Variants in TAF4 observed in about 807,000 individuals in gnomAD.
TAF4 encodes transcription initiation factor TFIID subunit 4.
In TAF4, 9 loss-of-function variants were observed where a neutral mutation model predicts 90.3. The ratio of observed to expected loss-of-function variants is 0.10; its 90% CI spans 0.06 to 0.17. The LOEUF (loss-of-function observed/expected upper bound fraction) is 0.17. Ranked by LOEUF, TAF4 falls within the 10% of genes least tolerant of loss-of-function variation. The pLI is 1.00. For synonymous variants in TAF4, 818 were observed against 638.9 expected (o/e 1.28, Z -4.23); for missense variants, 1,351 against 1,370.7 (o/e 0.99, Z 0.23).
rs150074484 is a variant in TAF4 at position 62,038,475 on chromosome 20, G to A, written c.1361-23768C>T. ...TGAGCCACCGAGCCACTGACCCACC[G>A]CGCCCGGCCAAAAGCAATTGTTTTT... is the stretch of plus-strand genomic sequence containing the variant. On this transcript the variant is annotated intron_variant, in intron 1 of 14. Transcript: ENST00000252996. Among the ~76,000 whole-genome samples, 21 of 151,914 alleles carry A rather than the reference G, an allele frequency of 1.4e-4. No homozygotes were observed. In the East Asian group the frequency reaches 4.1e-3, roughly 29 times the overall value.
Position 62,064,456 on chromosome 20 carries a change from G to C in TAF4, c.1355C>G (p.Pro452Arg). The change falls in exon 1 of 15, where the codon CCC (proline) becomes CGC (arginine). Residue 452 changes from proline (P) to arginine (R), a missense_variant. By Grantham distance (103) the Pro-to-Arg change is moderately radical. Transcript: ENST00000252996. ...NPTNIQNFQLPPGMVLVRSEN... is the reference protein window; with the variant it reads ...NPTNIQNFQLRPGMVLVRSEN... Reference sequence around the variant, plus strand: ...CGCCCCGTGCGGCCACTCACCTGGGGGCAGCTGGAAGTTCTGGATGTTGGT... The same window carrying C: ...CGCCCCGTGCGGCCACTCACCTGGGCGCAGCTGGAAGTTCTGGATGTTGGT... 2 of 1,442,164 alleles carry C rather than the reference G, an allele frequency of 1.4e-6. No individual in the cohort carries two copies. The highest frequency in any genetic ancestry group is 1.8e-6 in the Non-Finnish European group (2 of 1,091,570). 89.3% of individuals were successfully genotyped at this position (1,442,164 alleles called of 1,614,324 possible).
chr20:62,006,582 G>C lies in TAF4; in HGVS notation c.2151C>G (p.Leu717=), dbSNP rs1418500397. ...GKTAATVTSA[L]QPPVLSLTQP... Reference sequence around the variant, plus strand: ...GCGTGAGGCTGAGCACAGGGGGCTGGAGGGCACTGGTCACGGTGGCCGCCG... The same window carrying C: ...GCGTGAGGCTGAGCACAGGGGGCTGCAGGGCACTGGTCACGGTGGCCGCCG... The change falls in exon 7 of 15, where the codon CTC becomes CTG. Residue 717 remains leucine (L), a synonymous_variant. Coordinates refer to ENST00000252996, the MANE Select transcript of TAF4 (RefSeq NM_003185.4). This position sits in a 1 kb window ranked among gnomAD's most constrained non-coding sequence, Gnocchi z 7.0. 3.1e-6 allele frequency: 5 copies of C among 1,597,582 alleles called. No homozygotes were observed. The Admixed American group carries it at 6.8e-5, about 22-fold the overall frequency.
chr20:62,021,416 A>ATTAC (rs1352812764), intron 1 of TAF4, among the ~76,000 whole-genome samples: 11 of 152,240 alleles, frequency 7.2e-5, no homozygotes, highest in African/African-American at 2.7e-4. Context: ...CAGGGCAGTA[A>ATTAC]GCACCTGGGA....
At chr20:62,062,028 CAGG>C in intron 1 of TAF4, among the ~76,000 whole-genome samples, 1 of 152,338 alleles carries the variant, frequency 6.6e-6, no homozygotes, top group East Asian at 1.9e-4. Flanking sequence ...CTGGGAAGGG[CAGG>C]CCCTTTCACA....
At chr20:62,027,461 G>A (rs1366967834) in intron 1 of TAF4, among the ~76,000 whole-genome samples, 3 of 152,112 alleles carry the variant, frequency 2.0e-5, no homozygotes, top group African/African-American at 7.2e-5. Context: ...AGCTCCCTGG[G>A]CTCAGGGATT....
intron 14 of TAF4, among the ~76,000 whole-genome samples, chr20:61,982,259 T>G (rs1192649215): frequency 1.4e-5 from 1 of 73,706 alleles, no homozygotes; most frequent in Non-Finnish European, 2.6e-5. Context: ...CACACCTACC[T>G]GAGAGGAAAC....
In TAF4 at chr20:61,975,569, A is replaced by C. The variant is rs1199422479; in HGVS notation, c.*599T>G. 1 of 152,554 alleles carries C rather than the reference A, an allele frequency of 6.6e-6. No individual in the cohort carries two copies. Among genetic ancestry groups the C allele is most frequent in the Non-Finnish European group, 1.5e-5 (1 of 68,532 alleles). 9.5% of individuals were successfully genotyped at this position (152,554 alleles called of 1,614,324 possible). A position where few individuals can be genotyped will look rare whatever the true frequency, so the allele number is the denominator to read the frequency against. On this transcript the variant is annotated 3_prime_UTR_variant, in exon 15 of 15. Coordinates refer to ENST00000252996, the MANE Select transcript of TAF4 (RefSeq NM_003185.4). ...GCTGGGCTCGGCCTCTACCAAGCAG[A>C]AATGCGATTACACTCTGAGGTGGGG...
intron 1 of TAF4, among the ~76,000 whole-genome samples, chr20:62,025,537 T>C (rs2055869982): frequency 6.6e-6 from 1 of 152,126 alleles, no homozygotes; most frequent in African/African-American, 2.4e-5. Flanking sequence ...CCCAGGCGGT[T>C]CTCATGATAG....
At chr20:62,044,743 G>C (rs1044563355) in intron 1 of TAF4, among the ~76,000 whole-genome samples, 1 of 152,212 alleles carries the variant, frequency 6.6e-6, no homozygotes, top group African/African-American at 2.4e-5. Context: ...ATTTACAGGA[G>C]GGGGAGAATG....
intron 1 of TAF4, among the ~76,000 whole-genome samples, chr20:62,047,224 G>A (rs1398155693): frequency 6.6e-6 from 1 of 151,964 alleles, no homozygotes; most frequent in Non-Finnish European, 1.5e-5. Flanking sequence ...CTATGAGCGG[G>A]ACACACTCTT....
At chr20:62,048,629 G>A (rs376435044) in intron 1 of TAF4, among the ~76,000 whole-genome samples, 22 of 148,792 alleles carry the variant, frequency 1.5e-4, no homozygotes, top group African/African-American at 5.5e-4. Context: ...ATCCCCACAG[G>A]CCCTCTCCCT....
intron 1 of TAF4, among the ~76,000 whole-genome samples, chr20:62,049,179 C>G (rs1379249620): frequency 6.6e-6 from 1 of 152,060 alleles, no homozygotes; most frequent in Non-Finnish European, 1.5e-5. Flanking sequence ...CAGCAGTGCC[C>G]ACGCCCGCCT....
In TAF4 at chr20:62,000,553, T is replaced by G. The variant is rs1179686862; in HGVS notation, c.2655A>C (p.Ile885=). ...CTCAGTCATTAAACACCAACGTACC[T>G]ATTTCTAATATTCTTCTCTGCAAAG... is the stretch of plus-strand genomic sequence containing the variant. ...QAPLQRRILE[I]GKKHGITELH... Residue 885 remains isoleucine, a splice_region_variant and synonymous_variant, in exon 10 of 15, where the codon ATA becomes ATC. Coordinates refer to ENST00000252996, the MANE Select transcript of TAF4 (RefSeq NM_003185.4). 7 of 1,611,858 alleles carry G rather than the reference T, an allele frequency of 4.3e-6. No homozygotes were observed. The African/African-American group carries it at 9.4e-5, about 22-fold the overall frequency.
intron 1 of TAF4, among the ~76,000 whole-genome samples, chr20:62,023,328 G>A (rs1324125700): frequency 1.3e-5 from 2 of 151,760 alleles, no homozygotes; most frequent in African/African-American, 4.8e-5. Context: ...CTGTAGTGGA[G>A]GCTGAGGCAC....
In TAF4 at chr20:62,003,384, C is replaced by T. The variant is rs367862604; in HGVS notation, c.2372-110G>A. On this transcript the variant is annotated intron_variant, in intron 8 of 14. Coordinates refer to ENST00000252996, the MANE Select transcript of TAF4 (RefSeq NM_003185.4). ...CAGCTACCACTCTCCTAATTAGCTA[C>T]AAGAAAGTTTCCAAAAACTTCATAT... The T allele has an allele frequency of 2.3e-3, 2,080 of 894,792 alleles. 9 individuals carry two copies. Among genetic ancestry groups the T allele is most frequent in the South Asian group, 4.8e-3 (319 of 66,130 alleles). The allele number at this position is 894,792 out of a possible 1,614,324, so 55.4% of individuals were successfully genotyped here.
chr20:61,999,022 C>T lies in TAF4; in HGVS notation c.2874G>A (p.Lys958=), dbSNP rs1471469744. The part of the protein sequence containing the change: ...EQLDQIEKQR[K]DEQEREILMR... ...TCAGGATCTCCCGCTCCTGCTCATC[C>T]TTCCTCTGCTTTTCGATTTGATCAA... The change falls in exon 12 of 15, where the codon AAG becomes AAA. Residue 958 remains lysine (K), a synonymous_variant. Transcript: ENST00000252996. 6.2e-7 allele frequency: 1 copy of T among 1,614,108 alleles called. No individual in the cohort carries two copies. Among genetic ancestry groups the T allele is most frequent in the Admixed American group, 1.7e-5 (1 of 60,020 alleles).
intron 14 of TAF4, among the ~76,000 whole-genome samples, chr20:61,991,482 G>A (rs2055631050): frequency 6.6e-6 from 1 of 151,678 alleles, no homozygotes; most frequent in Non-Finnish European, 1.5e-5. Context: ...AAGTGGCTCA[G>A]CAGCATTTAG....
At chr20:62,023,519 G>A (rs1353697266) in intron 1 of TAF4, among the ~76,000 whole-genome samples, 4 of 151,948 alleles carry the variant, frequency 2.6e-5, no homozygotes, top group Non-Finnish European at 5.9e-5. Context: ...AGGCCGAGGC[G>A]GGGAGACTGC....
chr20:61,997,458 T>C, intron 14 of TAF4, 92 bp downstream of exon 14: 9 of 1,321,996 alleles, frequency 6.8e-6, no homozygotes, highest in Non-Finnish European at 8.8e-6. Flanking sequence ...AGAAAGCAAA[T>C]TCCCCTATGT....
Sources: allele counts gnomAD v4.1 joint callset (sites outside exome capture counted in the v4.1 genomes callset), GRCh38; gene constraint gnomAD v4.1.1; non-coding constraint Gnocchi (gnomAD v3.1); transcripts MANE v1.5; gene names NCBI Gene and HGNC (gene_info 2026-07-23, HGNC 2026-07-21).